Variants in TTC4 observed in about 807,000 individuals in gnomAD.
TTC4 encodes hsp70/Hsp90 co-chaperone CNS1 homolog.
In TTC4, 36 loss-of-function variants were observed where a neutral mutation model predicts 51.9. The ratio of observed to expected loss-of-function variants is 0.69; its 90% CI spans 0.53 to 0.92. The LOEUF (loss-of-function observed/expected upper bound fraction) is 0.92, where lower values mean the gene tolerates loss of function less well. TTC4 is among the 40% of genes least tolerant of loss of function. The pLI, the probability that TTC4 is intolerant of heterozygous loss-of-function variation, is 0.00. For synonymous variants in TTC4, 144 were observed against 164.2 expected (o/e 0.88, Z 0.94); for missense variants, 399 against 454.6 (o/e 0.88, Z 1.11).
At chr1:54,720,299 A>G (rs1645727974) in intron 3 of TTC4, among the ~76,000 whole-genome samples, 1 of 152,156 alleles carries the variant, frequency 6.6e-6, no homozygotes, top group Non-Finnish European at 1.5e-5. Context: ...GGCCCTTTAC[A>G]AAATATTTTG....
chr1:54,740,720 A>G (rs115901736), intron 9 of TTC4, among the ~76,000 whole-genome samples: 4,736 of 152,238 alleles, frequency 0.031, 104 homozygotes, highest in Non-Finnish European at 0.05. Context: ...AAGCAGGCCC[A>G]CTGAGTAATA....
At chr1:54,720,649 A>G (rs1645732620) in intron 3 of TTC4, among the ~76,000 whole-genome samples, 1 of 152,170 alleles carries the variant, frequency 6.6e-6, no homozygotes, top group Non-Finnish European at 1.5e-5. Flanking sequence ...ACCATAATTC[A>G]TGTAATCATT....
At position 54,715,984 on chromosome 1, in the gene TTC4, T is replaced by TA. The variant is rs1285321032; in HGVS notation, c.77dup (p.Tyr26Ter). The change falls in exon 1 of 10, where the codon TAC becomes TAAC. Residue 26 changes from tyrosine (Y) to a stop codon, truncating the protein, a stop_gained and frameshift_variant. Transcript: ENST00000371281. LOFTEE classifies it high-confidence loss of function. The part of the protein sequence containing the change: ...SFLEKFQSQP[Y>*]RGGFHEDQWE... Reference sequence around the variant, plus strand: ...CCTGGAAAAGTTCCAGAGCCAGCCTTACCGTGGCGGCTTTCATGAGGACCA... The same window carrying TA: ...CCTGGAAAAGTTCCAGAGCCAGCCTTAACCGTGGCGGCTTTCATGAGGACCA... 1.2e-6 allele frequency: 2 copies of TA among 1,600,920 alleles called. No homozygotes were observed. Among genetic ancestry groups the TA allele is most frequent in the African/African-American group, 2.7e-5 (2 of 74,506 alleles).
At chr1:54,725,971 T>C (rs1180937) in intron 5 of TTC4, among the ~76,000 whole-genome samples, 122,285 of 152,056 alleles carry the variant, frequency 0.8, 49,623 homozygotes, top group East Asian at 0.91. Flanking sequence ...GAGACTTGTA[T>C]GATGCCATCA....
At position 54,731,834 on chromosome 1, in the gene TTC4, A is replaced by T. The variant is rs576369776; in HGVS notation, c.896+134A>T. 3.8e-5 allele frequency: 31 copies of T among 815,390 alleles called. No individual in the cohort carries two copies. In the African/African-American group the frequency reaches 5.2e-4, roughly 14 times the overall value. The allele number at this position is 815,390 out of a possible 1,614,324, so 50.5% of individuals were successfully genotyped here. On this transcript the variant is annotated intron_variant, in intron 7 of 9. Coordinates refer to ENST00000371281, the MANE Select transcript of TTC4 (RefSeq NM_004623.5). ...GGGTTTCACACCATCTGGTTTGATA[A>T]TAACCTCTCTATCCTGTAGCTGACT...
At chr1:54,736,189 A>G (rs1421298629) in intron 8 of TTC4, among the ~76,000 whole-genome samples, 1 of 50,154 alleles carries the variant, frequency 2.0e-5, no homozygotes, top group Non-Finnish European at 3.9e-5. Flanking sequence ...AGAGAGAGAG[A>G]GAGAGAGAGA....
intron 5 of TTC4, among the ~76,000 whole-genome samples, chr1:54,724,367 C>T (rs985991021): frequency 1.8e-4 from 27 of 151,514 alleles, no homozygotes; most frequent in Non-Finnish European, 3.5e-4. Flanking sequence ...CTGGGATCAA[C>T]TGATCCTCCT....
chr1:54,723,918 G>A (rs1645772181), intron 5 of TTC4, among the ~76,000 whole-genome samples: 1 of 152,148 alleles, frequency 6.6e-6, no homozygotes, highest in Non-Finnish European at 1.5e-5. Context: ...ATATGAAATG[G>A]TAGAAAAGGT....
intron 4 of TTC4, 150 bp from the exon 5 acceptor site, chr1:54,722,525 C>T (rs2101310223): frequency 1.8e-6 from 2 of 1,117,368 alleles, no homozygotes; most frequent in Non-Finnish European, 2.5e-6. Context: ...AGTATTCTCC[C>T]TTGTCTGGGG....
chr1:54,728,431 A>G lies in TTC4; in HGVS notation c.680A>G (p.Lys227Arg). 1 of 1,611,962 alleles carries G rather than the reference A, an allele frequency of 6.2e-7. No homozygotes were observed. Among genetic ancestry groups the G allele is most frequent in the Non-Finnish European group, 8.5e-7 (1 of 1,178,688 alleles). Residue 227 changes from lysine to arginine, a missense_variant and splice_region_variant, in exon 6 of 10, where the codon AAG becomes AGG. Coordinates refer to ENST00000371281, the MANE Select transcript of TTC4 (RefSeq NM_004623.5). ...AATGAGGCTTTACTCCAGGCCATCA[A>G]GGTGAGTTCTTAAACCTTAGGTTTT... ...NQNEALLQAIKARNIRLSEAA... is the reference protein window; with the variant it reads ...NQNEALLQAIRARNIRLSEAA...
intron 5 of TTC4, among the ~76,000 whole-genome samples, chr1:54,724,032 A>G (rs192253187): frequency 3.2e-4 from 48 of 152,286 alleles, no homozygotes; most frequent in Middle Eastern, 3.4e-3. Context: ...GAATGTCTAG[A>G]GGGCTACTGG....
chr1:54,717,149 A>G (rs1645686232), intron 2 of TTC4, among the ~76,000 whole-genome samples: 1 of 152,238 alleles, frequency 6.6e-6, no homozygotes, highest in Admixed American at 6.5e-5. Context: ...AACATAAGCA[A>G]AAGCAGAAGT....
intron 4 of TTC4, 57 bp downstream of exon 4, chr1:54,721,297 A>G: frequency 6.4e-7 from 1 of 1,557,840 alleles, no homozygotes; most frequent in Non-Finnish European, 8.8e-7. Flanking sequence ...AGGTGCTAGG[A>G]TACTAATAAA....
intron 7 of TTC4, among the ~76,000 whole-genome samples, chr1:54,732,020 G>A (rs552429625): frequency 3.5e-4 from 53 of 152,166 alleles, no homozygotes; most frequent in African/African-American, 1.2e-3. Flanking sequence ...AGCAATTTAA[G>A]TGAATATTAA....
At chr1:54,725,557 T>C (rs533373354) in intron 5 of TTC4, among the ~76,000 whole-genome samples, 12 of 152,164 alleles carry the variant, frequency 7.9e-5, no homozygotes, top group Non-Finnish European at 1.6e-4. Flanking sequence ...GGGTGAATGC[T>C]AAAAATGTGC....
chr1:54,735,027 C>T (rs1393354454), intron 8 of TTC4, among the ~76,000 whole-genome samples: 1 of 152,028 alleles, frequency 6.6e-6, no homozygotes, highest in East Asian at 1.9e-4. Flanking sequence ...CCCTTAGTCT[C>T]CTTCAGTATG....
intron 3 of TTC4, among the ~76,000 whole-genome samples, chr1:54,720,258 A>G (rs1645727415): frequency 6.6e-6 from 1 of 152,130 alleles, no homozygotes. Flanking sequence ...AGTAGACCAC[A>G]TGTGGCCTGC....
chr1:54,722,518 A>G (rs79031322), intron 4 of TTC4, among the ~76,000 whole-genome samples, 157 bp from the exon 5 acceptor site: 5,718 of 152,222 alleles, frequency 0.038, 294 homozygotes, highest in East Asian at 0.14. Flanking sequence ...CACAAAAAGT[A>G]TTCTCCCTTG....
intron 4 of TTC4, among the ~76,000 whole-genome samples, chr1:54,721,663 G>GCTTTTATTA (rs1180768606): frequency 6.6e-6 from 1 of 152,116 alleles, no homozygotes; most frequent in Non-Finnish European, 1.5e-5. Flanking sequence ...TAATAACAGT[G>GCTTTTATTA]CTTTTATTAC....
Sources: allele counts gnomAD v4.1 joint callset (sites outside exome capture counted in the v4.1 genomes callset), GRCh38; gene constraint gnomAD v4.1.1; transcripts MANE v1.5; gene names NCBI Gene and HGNC (gene_info 2026-07-23, HGNC 2026-07-21).